Variants in CPLX1 observed in about 807,000 individuals in gnomAD.
CPLX1 encodes the protein complexin-1.
CPLX1 carries 6 observed loss-of-function variants against 15.6 expected under a neutral mutation model. The observed-to-expected ratio is 0.39, with a 90% CI of 0.21 to 0.76. The LOEUF (loss-of-function observed/expected upper bound fraction) is 0.76, where lower values mean the gene tolerates loss of function less well. CPLX1 is among the 30% of genes least tolerant of loss of function. The pLI is 0.43. For synonymous variants in CPLX1, 91 were observed against 75.2 expected, an observed-to-expected ratio of 1.21 and a Z score of -1.08; for missense variants, 242 against 188.6, an observed-to-expected ratio of 1.28 and a Z score of -1.66.
At position 787,357 on chromosome 4, in the gene CPLX1, C is replaced by T. The variant is rs1421180753; in HGVS notation, c.208-659G>A. ...CCTGCCCACCCGCGTTTCTCATCTC[C>T]CGTGAGTGCGTCTGCCCTCCGTAGT... On this transcript the variant is annotated intron_variant, in intron 3 of 3. Coordinates refer to ENST00000304062, the MANE Select transcript of CPLX1 (RefSeq NM_006651.4). 3.0e-6 allele frequency: 3 copies of T among 985,348 alleles called. No individual in the cohort carries two copies. In the Admixed American group the frequency reaches 1.8e-4, roughly 61 times the overall value. The allele number at this position is 985,348 out of a possible 1,614,324, so 61.0% of individuals were successfully genotyped here. A position where few individuals can be genotyped will look rare whatever the true frequency, so the allele number is the denominator to read the frequency against.
Position 792,791 on chromosome 4 carries a change from C to T in CPLX1, c.32-183G>A, listed in dbSNP as rs904207530. On this transcript the variant is annotated intron_variant, in intron 2 of 3. Coordinates refer to ENST00000304062, the MANE Select transcript of CPLX1 (RefSeq NM_006651.4). ...TCCATCTGGCCCTGACCCTCCTGCCCGGGACCCTCCATCCAGTGTGCTGGG... is the reference window on the plus strand; with the variant it reads ...TCCATCTGGCCCTGACCCTCCTGCCTGGGACCCTCCATCCAGTGTGCTGGG... The T allele has an allele frequency of 2.1e-5, 13 of 624,830 alleles. 1 individual carries two copies. The highest frequency in any genetic ancestry group is 8.7e-4 in the Middle Eastern group (2 of 2,292). 38.7% of individuals were successfully genotyped at this position (624,830 alleles called of 1,614,324 possible). A position where few individuals can be genotyped will look rare whatever the true frequency, so the allele number is the denominator to read the frequency against.
In CPLX1 at chr4:786,564, C is replaced by CTCG. The variant is rs746146625; in HGVS notation, c.339_341dup (p.Asp113dup). The stretch of plus-strand genomic sequence containing the variant: ...ACTTGATGACGGTGTCCAGGATGCT[C>CTCG]TCGTCCTCCTCCTCCACCTCGTCCC... On this transcript the variant is annotated inframe_insertion, in exon 4 of 4. Transcript: ENST00000304062. 5.6e-6 allele frequency: 9 copies of CTCG among 1,609,724 alleles called. No homozygotes were observed. Among genetic ancestry groups the CTCG allele is most frequent in the Non-Finnish European group, 5.1e-6 (6 of 1,178,300 alleles).
intron 3 of CPLX1, chr4:787,003 G>T (rs887460769): frequency 1.1e-5 from 11 of 985,294 alleles, no homozygotes; most frequent in African/African-American, 1.7e-5. Flanking sequence ...ACCCAGCCCA[G>T]CCCCTGGCAT....
intron 2 of CPLX1, among the ~76,000 whole-genome samples, chr4:809,211 C>G (rs1746613114): frequency 6.6e-6 from 1 of 152,374 alleles, no homozygotes; most frequent in Non-Finnish European, 1.5e-5. Context: ...ATTCTCAGGG[C>G]TGGCGGGTGG....
Position 807,596 on chromosome 4 carries a change from T to A in CPLX1, c.32-14988A>T, listed in dbSNP as rs187466800. On this transcript the variant is annotated intron_variant, in intron 2 of 3. Transcript: ENST00000304062. ...TTCAAGAGATTCTCCTGCCTCAGCC[T>A]CCCAAGTAGCTGAGATTACGGGCAG... 2.8e-3 allele frequency among the ~76,000 whole-genome samples: 419 copies of A among 152,102 alleles called. 2 individuals are homozygous for A. The highest frequency in any genetic ancestry group is 9.6e-3 in the African/African-American group (399 of 41,494).
intron 2 of CPLX1, chr4:805,029 G>T (rs17165032): frequency 3.7e-5 from 27 of 736,384 alleles, no homozygotes; most frequent in Admixed American, 6.3e-5. Context: ...CTCGCGCACC[G>T]TCTGTCTCGG....
chr4:816,897 G>A (rs1395362196), intron 2 of CPLX1, among the ~76,000 whole-genome samples: 1 of 152,196 alleles, frequency 6.6e-6, no homozygotes, highest in Non-Finnish European at 1.5e-5. Context: ...AAGTGTGTTG[G>A]CAAGGACTGG....
intron 2 of CPLX1, among the ~76,000 whole-genome samples, chr4:805,599 G>A (rs926382975): frequency 2.0e-5 from 3 of 152,164 alleles, no homozygotes; most frequent in Non-Finnish European, 4.4e-5. Context: ...TTCCATTTCT[G>A]GGTATAGACC....
At chr4:788,769 T>A (rs1228594746) in intron 3 of CPLX1, among the ~76,000 whole-genome samples, 1 of 151,920 alleles carries the variant, frequency 6.6e-6, no homozygotes, top group Non-Finnish European at 1.5e-5. Context: ...AGAGCCTCCC[T>A]CCAGCCAGGG....
intron 3 of CPLX1, chr4:788,313 C>T: frequency 1.0e-6 from 1 of 985,454 alleles, no homozygotes; most frequent in African/African-American, 1.7e-5. Context: ...CCTCTCCCCT[C>T]CCCTAGGGCT....
intron 3 of CPLX1, 26 bp downstream of exon 3, chr4:792,407 G>T: frequency 4.7e-6 from 7 of 1,499,414 alleles, no homozygotes; most frequent in Non-Finnish European, 6.2e-6. Context: ...CCGCCTTCCC[G>T]CAGGCGGGGC....
chr4:786,940 G>A, intron 3 of CPLX1: 1 of 982,778 alleles, frequency 1.0e-6, no homozygotes, highest in Non-Finnish European at 1.2e-6. Context: ...GGAGGGGGAG[G>A]CTCCCATCTT....
At chr4:791,247 A>C (rs1322322677) in intron 3 of CPLX1, among the ~76,000 whole-genome samples, 1 of 151,540 alleles carries the variant, frequency 6.6e-6, no homozygotes, top group African/African-American at 2.4e-5. Flanking sequence ...GTCGATCAAC[A>C]GGAGATCCCT....
At chr4:794,764 C>A (rs771615906) in intron 2 of CPLX1, among the ~76,000 whole-genome samples, 1 of 152,212 alleles carries the variant, frequency 6.6e-6, no homozygotes. Flanking sequence ...GGTCTCTCCC[C>A]ACATTGCTCT....
intron 2 of CPLX1, among the ~76,000 whole-genome samples, chr4:824,242 A>G (rs918909205): frequency 1.3e-5 from 2 of 152,244 alleles, no homozygotes; most frequent in Non-Finnish European, 2.9e-5. Flanking sequence ...GCAGTGGGGC[A>G]GAGTGAGCTT....
chr4:819,131 G>A (rs1388653432), intron 2 of CPLX1, among the ~76,000 whole-genome samples: 2 of 152,282 alleles, frequency 1.3e-5, no homozygotes, highest in Non-Finnish European at 2.9e-5. Context: ...GCAGCAAAGC[G>A]GGACTGAAGT....
At chr4:792,714 AT>A in intron 2 of CPLX1, 106 bp from the exon 3 acceptor site, 1 of 1,210,724 alleles carries the variant, frequency 8.3e-7, no homozygotes, top group South Asian at 1.6e-5. Flanking sequence ...CAAACCCTCC[AT>A]CCACTCGACC....
At chr4:804,346 C>A (rs1206336504) in intron 2 of CPLX1, among the ~76,000 whole-genome samples, 1 of 152,218 alleles carries the variant, frequency 6.6e-6, no homozygotes, top group Non-Finnish European at 1.5e-5. Flanking sequence ...AATACAATAT[C>A]CATACTTCCG....
chr4:817,497 A>G (rs1746780297), intron 2 of CPLX1, among the ~76,000 whole-genome samples: 1 of 151,682 alleles, frequency 6.6e-6, no homozygotes. Flanking sequence ...GGCGGAGGTT[A>G]TATGAGCTGA....
Sources: allele counts gnomAD v4.1 joint callset (sites outside exome capture counted in the v4.1 genomes callset), GRCh38; gene constraint gnomAD v4.1.1; transcripts MANE v1.5; gene names NCBI Gene and HGNC (gene_info 2026-07-23, HGNC 2026-07-21).